Variants in MLLT10 observed in about 807,000 individuals in gnomAD.
MLLT10 encodes the protein MLLT10 histone lysine methyltransferase DOT1L cofactor.
A neutral mutation model predicts 129.1 loss-of-function variants in MLLT10; 30 were observed. The observed-to-expected ratio is 0.23, with a 90% CI of 0.17 to 0.32. The LOEUF is 0.32. Among genes scored for constraint, MLLT10 ranks in the 10% least tolerant of loss-of-function variants. MLLT10 has a pLI of 1.00. For missense variants in MLLT10, 1,119 were observed against 1,268.3 expected (o/e 0.88, Z 1.79); for synonymous variants, 490 against 446.4 (o/e 1.10, Z -1.23).
At chr10:21,572,027 G>A (rs1589010855) in intron 3 of MLLT10, 1 of 152,194 alleles carries the variant, frequency 6.6e-6, no homozygotes, top group East Asian at 1.9e-4. Flanking sequence ...AGTCATGAAG[G>A]TAATTTCCTT....
chr10:21,588,169 C>T lies in MLLT10; in HGVS notation c.295+1821C>T, dbSNP rs187862009. On this transcript the variant is annotated intron_variant, in intron 4 of 22. Transcript: ENST00000307729. ...GCAACCTCCACCTTCCGGGCTCAAG[C>T]GATTCTCCTGCCTCAGCCTCCCAAG... Among the ~76,000 whole-genome samples, 869 of 152,184 alleles carry T rather than the reference C, an allele frequency of 5.7e-3. 4 individuals carry two copies. Among genetic ancestry groups the T allele is most frequent in the Non-Finnish European group, 9.8e-3 (666 of 67,998 alleles).
chr10:21,696,000 C>G (rs2054325224), intron 13 of MLLT10, among the ~76,000 whole-genome samples: 1 of 141,778 alleles, frequency 7.1e-6, no homozygotes, highest in African/African-American at 2.6e-5. Flanking sequence ...GAAAGTGTAG[C>G]TTTTTGACAG....
intron 5 of MLLT10, among the ~76,000 whole-genome samples, chr10:21,599,785 C>G (rs547056790): frequency 6.6e-6 from 1 of 152,114 alleles, no homozygotes. Flanking sequence ...CCAGGCTGAT[C>G]TTGAACTCCT....
intron 10 of MLLT10, 35 bp from the exon 11 acceptor site, chr10:21,673,315 C>CCAA: frequency 4.9e-6 from 3 of 616,706 alleles, no homozygotes; most frequent in South Asian, 4.0e-5. Context: ...CCCCACCCCC[C>CCAA]AACTTTTTTT....
chr10:21,549,391 T>G (rs2036611743), intron 3 of MLLT10, among the ~76,000 whole-genome samples: 1 of 152,176 alleles, frequency 6.6e-6, no homozygotes, highest in Non-Finnish European at 1.5e-5. Context: ...ATTACAGGCG[T>G]GAGCCACTGC....
chr10:21,540,207 A>G (rs1364035017), intron 3 of MLLT10, among the ~76,000 whole-genome samples: 2 of 152,132 alleles, frequency 1.3e-5, no homozygotes, highest in East Asian at 3.8e-4. Flanking sequence ...CCTGGCCGAC[A>G]TGGTGAAACC....
chr10:21,562,640 G>C (rs543499548), intron 3 of MLLT10, among the ~76,000 whole-genome samples: 4 of 151,204 alleles, frequency 2.6e-5, no homozygotes, highest in African/African-American at 9.7e-5. Flanking sequence ...ACCTGGCGTG[G>C]AGATTGCTTT....
At chr10:21,664,689 C>G (rs2050573772) in intron 9 of MLLT10, among the ~76,000 whole-genome samples, 1 of 151,918 alleles carries the variant, frequency 6.6e-6, no homozygotes, top group Non-Finnish European at 1.5e-5. Context: ...TTTTCTATAT[C>G]CTTACTCGTT....
At chr10:21,577,517 G>A (rs1158847959) in intron 3 of MLLT10, among the ~76,000 whole-genome samples, 1 of 148,530 alleles carries the variant, frequency 6.7e-6, no homozygotes, top group Non-Finnish European at 1.5e-5. Flanking sequence ...AGGCTGGAGT[G>A]CAATGGTGCA....
In MLLT10 at chr10:21,538,814, AC is replaced by A. The variant is rs1371183568; in HGVS notation, c.161-18del. On this transcript the variant is annotated intron_variant, in intron 2 of 22. Coordinates refer to ENST00000307729, the MANE Select transcript of MLLT10 (RefSeq NM_001195626.3). ...GTTCTTCGAATCTTAACATTTTAACACATTTCATTTTTCAACAGCTTGCTAT... is the reference window on the plus strand; with the variant it reads ...GTTCTTCGAATCTTAACATTTTAACAATTTCATTTTTCAACAGCTTGCTAT... 1 of 1,580,496 alleles carries A rather than the reference AC, an allele frequency of 6.3e-7. No individual in the cohort carries two copies. Among genetic ancestry groups the A allele is most frequent in the Non-Finnish European group, 8.7e-7 (1 of 1,152,318 alleles).
chr10:21,733,544 T>C lies in MLLT10; in HGVS notation c.2448T>C (p.His816=). Residue 816 remains histidine, a synonymous_variant, in exon 19 of 23, where the codon CAT becomes CAC. Transcript: ENST00000307729. ...TDSLNSSKSP[H]IGNSFLPDNS... ...CCTTGAACAGCAGTAAGAGCCCTCA[T>C]ATAGGAAACAGCTTTTTACCTGATA... is the stretch of plus-strand genomic sequence containing the variant. 1 of 1,576,002 alleles carries C rather than the reference T, an allele frequency of 6.3e-7. No individual in the cohort carries two copies. Among genetic ancestry groups the C allele is most frequent in the Non-Finnish European group, 8.6e-7 (1 of 1,166,124 alleles).
intron 3 of MLLT10, among the ~76,000 whole-genome samples, chr10:21,539,829 C>T (rs1439554592): frequency 6.6e-6 from 1 of 152,068 alleles, no homozygotes; most frequent in Non-Finnish European, 1.5e-5. Context: ...CCTATAATCC[C>T]AGCTATTTGG....
At chr10:21,590,097 AT>A (rs1332521803) in intron 4 of MLLT10, among the ~76,000 whole-genome samples, 1 of 151,192 alleles carries the variant, frequency 6.6e-6, no homozygotes, top group African/African-American at 2.4e-5. Flanking sequence ...CCTGGCTAAT[AT>A]TTTTTTCTTT....
In MLLT10 at chr10:21,606,835, G is replaced by A. The variant is rs569006501; in HGVS notation, c.406-5513G>A. 2.0e-5 allele frequency among the ~76,000 whole-genome samples: 3 copies of A among 152,338 alleles called. No homozygotes were observed. The South Asian group carries it at 6.2e-4, about 32-fold the overall frequency. Reference sequence around the variant, plus strand: ...ATATGCCCTATGCTTAGTTGATAAAGTGGCAGCAAGGTTTGAGAGAATAGG... The same window carrying A: ...ATATGCCCTATGCTTAGTTGATAAAATGGCAGCAAGGTTTGAGAGAATAGG... On this transcript the variant is annotated intron_variant, in intron 5 of 22. Coordinates refer to ENST00000307729, the MANE Select transcript of MLLT10 (RefSeq NM_001195626.3).
At chr10:21,534,617 T>C (rs371126729) in intron 1 of MLLT10, 28 bp from the exon 2 acceptor site, 40 of 1,593,910 alleles carry the variant, frequency 2.5e-5, no homozygotes, top group African/African-American at 9.5e-5. Flanking sequence ...GCATGTGTTT[T>C]TTAATGGTCC....
chr10:21,626,370 C>A, intron 8 of MLLT10: 3 of 650,976 alleles, frequency 4.6e-6, no homozygotes, highest in South Asian at 1.8e-5. Flanking sequence ...GCACGCGTGC[C>A]ACCCCCCAAG....
At chr10:21,627,664 A>G (rs1241259044) in intron 8 of MLLT10, among the ~76,000 whole-genome samples, 1 of 152,164 alleles carries the variant, frequency 6.6e-6, no homozygotes, top group Non-Finnish European at 1.5e-5. Flanking sequence ...TTAAATCTTC[A>G]TACAGCTGTT....
chr10:21,682,696 TG>T (rs1408157701), intron 13 of MLLT10, among the ~76,000 whole-genome samples: 1 of 152,224 alleles, frequency 6.6e-6, no homozygotes, highest in Non-Finnish European at 1.5e-5. Context: ...AGTGAATAAA[TG>T]GAAGATAGTC....
chr10:21,533,935 CGCCACCTCCCAG>C (rs1406243378), upstream of MLLT10, among the ~76,000 whole-genome samples: 1 of 152,122 alleles, frequency 6.6e-6, no homozygotes, highest in Non-Finnish European at 1.5e-5. Flanking sequence ...CCACCTCCCC[CGCCACCTCCCAG>C]GCCTCTTCCC....
Sources: gnomAD v4.1 joint callset for allele counts (sites outside exome capture counted in the v4.1 genomes callset) on GRCh38, gnomAD v4.1.1 for gene constraint, MANE v1.5 for transcripts, NCBI Gene and HGNC (gene_info 2026-07-23, HGNC 2026-07-21) for gene names.